The following TTC27 variants were observed in gnomAD, a reference collection of about 807,000 sequenced individuals.
The protein encoded by TTC27 is tetratricopeptide repeat protein 27.
TTC27 carries 79 observed loss-of-function variants against 115.9 expected under a neutral mutation model. That is an observed-to-expected ratio of 0.68 (90% CI 0.57 to 0.82). The LOEUF (loss-of-function observed/expected upper bound fraction) is 0.82. TTC27 is among the 40% of genes least tolerant of loss of function. The pLI is 0.00. For missense variants in TTC27, 1,054 were observed against 993.1 expected (o/e 1.06, Z -0.82); for synonymous variants, 401 against 356.0 (o/e 1.13, Z -1.42).
intron 10 of TTC27, among the ~76,000 whole-genome samples, chr2:32,728,425 G>C (rs1668184127): frequency 6.6e-6 from 1 of 151,674 alleles, no homozygotes; most frequent in Non-Finnish European, 1.5e-5. Context: ...AGTAGACCCA[G>C]TTCCTACCAA....
At chr2:32,688,741 A>G (rs1666720219) in intron 9 of TTC27, among the ~76,000 whole-genome samples, 2 of 152,106 alleles carry the variant, frequency 1.3e-5, no homozygotes. Context: ...AGACTTACAT[A>G]ACACTTTGTG....
chr2:32,748,405 G>C (rs1167111719), intron 12 of TTC27, among the ~76,000 whole-genome samples: 1 of 152,164 alleles, frequency 6.6e-6, no homozygotes, highest in Non-Finnish European at 1.5e-5. Context: ...TGTGTATTCT[G>C]CTGTTGGCTG....
chr2:32,746,765 T>C (rs1668846939), intron 12 of TTC27, among the ~76,000 whole-genome samples: 2 of 152,022 alleles, frequency 1.3e-5, no homozygotes, highest in African/African-American at 4.8e-5. Context: ...TATTTGGTAA[T>C]AAATTATGTA....
intron 12 of TTC27, among the ~76,000 whole-genome samples, chr2:32,744,946 G>A (rs1464455344): frequency 8.6e-5 from 13 of 151,036 alleles, no homozygotes; most frequent in Admixed American, 1.3e-4. Context: ...TACTCAGGAG[G>A]CTGAGGCAGG....
intron 12 of TTC27, among the ~76,000 whole-genome samples, chr2:32,757,266 G>C (rs909637127): frequency 1.3e-5 from 2 of 152,144 alleles, no homozygotes; most frequent in Admixed American, 6.5e-5. Flanking sequence ...CATTGCCTTT[G>C]GGTAGAGGTG....
At chr2:32,797,686 A>G (rs1451007087) in intron 16 of TTC27, among the ~76,000 whole-genome samples, 1 of 152,230 alleles carries the variant, frequency 6.6e-6, no homozygotes, top group African/African-American at 2.4e-5. Flanking sequence ...CAAGAACTTT[A>G]TAACGGTAGA....
intron 10 of TTC27, among the ~76,000 whole-genome samples, chr2:32,725,620 G>A (rs1461056076): frequency 2.6e-5 from 4 of 152,156 alleles, no homozygotes; most frequent in Admixed American, 6.5e-5. Flanking sequence ...TCATGGGCTG[G>A]CATTGAGAGT....
At chr2:32,767,352 G>C (rs1669663775) in intron 13 of TTC27, among the ~76,000 whole-genome samples, 1 of 151,190 alleles carries the variant, frequency 6.6e-6, no homozygotes, top group Non-Finnish European at 1.5e-5. Flanking sequence ...AATAGAGACA[G>C]CATATTTGAT....
At chr2:32,697,191 C>CA (rs369409902) in intron 9 of TTC27, among the ~76,000 whole-genome samples, 35,479 of 140,582 alleles carry the variant, frequency 0.25, 4,694 homozygotes, top group South Asian at 0.4. Flanking sequence ...GACCCTGTCT[C>CA]AAAAAAAAAA....
At chr2:32,684,865 A>C (rs1267750279) in intron 9 of TTC27, among the ~76,000 whole-genome samples, 1 of 151,564 alleles carries the variant, frequency 6.6e-6, no homozygotes, top group Non-Finnish European at 1.5e-5. Flanking sequence ...CTGTACTTAC[A>C]CATGTCATAG....
At chr2:32,682,409 C>A (rs1666462605) in intron 9 of TTC27, among the ~76,000 whole-genome samples, 1 of 152,146 alleles carries the variant, frequency 6.6e-6, no homozygotes, top group Non-Finnish European at 1.5e-5. Context: ...GAGGCTGGTA[C>A]ACTCATAGCA....
intron 12 of TTC27, among the ~76,000 whole-genome samples, chr2:32,753,429 C>CTTTTTTTTTTTTTTTTTTTTT (rs776515945): frequency 1.4e-5 from 1 of 72,848 alleles, no homozygotes; most frequent in Non-Finnish European, 2.4e-5. Flanking sequence ...AATCAAATGC[C>CTTTTTTTTTTTTTTTTTTTTT]TTTTTTTTTT....
intron 8 of TTC27, among the ~76,000 whole-genome samples, chr2:32,673,838 T>C (rs951456897): frequency 1.3e-5 from 2 of 151,860 alleles, no homozygotes; most frequent in Non-Finnish European, 2.9e-5. Context: ...CTACTAAAAA[T>C]ACAAAAATTA....
chr2:32,735,054 T>G (rs1335683433), intron 11 of TTC27, among the ~76,000 whole-genome samples: 1 of 152,194 alleles, frequency 6.6e-6, no homozygotes, highest in African/African-American at 2.4e-5. Context: ...TCATGGATCA[T>G]ACACATAGGT....
chr2:32,777,557 TC>T (rs1455236191), intron 13 of TTC27, among the ~76,000 whole-genome samples: 1 of 152,200 alleles, frequency 6.6e-6, no homozygotes, highest in Non-Finnish European at 1.5e-5. Context: ...AGTTTTTTTT[TC>T]TCCAATATTT....
chr2:32,720,499 T>G (rs1172392634), intron 10 of TTC27, among the ~76,000 whole-genome samples: 1 of 152,146 alleles, frequency 6.6e-6, no homozygotes, highest in Non-Finnish European at 1.5e-5. Flanking sequence ...ATTTTTAGTG[T>G]AGTAACAAGC....
At chr2:32,726,309 C>T (rs550544402) in intron 10 of TTC27, among the ~76,000 whole-genome samples, 160 of 152,328 alleles carry the variant, frequency 1.1e-3, no homozygotes, top group African/African-American at 3.8e-3. Flanking sequence ...TTATGCTCTG[C>T]TTCCCTTATA....
In TTC27 at chr2:32,664,464, A is replaced by G. The variant is rs1167982153; in HGVS notation, c.802A>G (p.Thr268Ala). The change falls in exon 6 of 20, where the codon ACA becomes GCA. Residue 268 changes from threonine (T) to alanine (A), a missense_variant. Physicochemically the swap from Thr to Ala is moderately conservative, Grantham distance 58. Coordinates refer to ENST00000317907, the MANE Select transcript of TTC27 (RefSeq NM_017735.5). ...CATCAGCCAATTACAAATTGATTTG[A>G]CAGGTAAGACTTATTTTTTGTGGAT... Reference protein sequence around the residue: ...KDISQLQIDLTGALGKRTRFQ... With the variant: ...KDISQLQIDLAGALGKRTRFQ... 6.3e-7 allele frequency: 1 copy of G among 1,598,262 alleles called. No homozygotes were observed. The highest frequency in any genetic ancestry group is 1.4e-5 in the African/African-American group (1 of 74,052).
chr2:32,682,018 GTGTGTGTGTA>G (rs1234512673), intron 9 of TTC27, among the ~76,000 whole-genome samples: 11 of 141,968 alleles, frequency 7.7e-5, no homozygotes, highest in African/African-American at 2.4e-4. Flanking sequence ...GTGTGTGTGT[GTGTGTGTGTA>G]TGTCTTTTCC....
Sources: allele counts gnomAD v4.1 joint callset (sites outside exome capture counted in the v4.1 genomes callset), GRCh38; gene constraint gnomAD v4.1.1; transcripts MANE v1.5; gene names NCBI Gene and HGNC (gene_info 2026-07-23, HGNC 2026-07-21).